The following OR51B5 variants were observed in gnomAD, a reference collection of about 807,000 sequenced individuals.
The protein encoded by OR51B5 is olfactory receptor family 51 subfamily B member 5.
For missense variants in OR51B5, 456 were observed against 374.6 expected (o/e 1.22, Z -1.79); for synonymous variants, 186 against 144.8 (o/e 1.28, Z -2.04).
At chr11:5,451,740 G>A (rs1217646280) in intron 1 of OR51B5, among the ~76,000 whole-genome samples, 2 of 152,120 alleles carry the variant, frequency 1.3e-5, no homozygotes, top group Non-Finnish European at 2.9e-5. Flanking sequence ...TGAGAGCATG[G>A]TCCGGTCTTG....
In OR51B5 at chr11:5,503,515, A is replaced by C. The variant is rs867827347; in HGVS notation, n.84+2054T>G. Among the ~76,000 whole-genome samples the C allele has an allele frequency of 1.1e-4, 16 of 152,240 alleles. 1 individual carries two copies. Among genetic ancestry groups the C allele is most frequent in the South Asian group, 1.0e-3 (5 of 4,832 alleles). ...TCCTCAACATGTTCCAATTTATAAT[A>C]AAAAGCCAATCAAAATCTCATTTGG... On this transcript the variant is annotated intron_variant and non_coding_transcript_variant, in intron 1 of 4. Transcript: ENST00000415970.
intron 1 of OR51B5, chr11:5,422,938 CAT>C (rs1175313852): frequency 1.9e-6 from 3 of 1,614,108 alleles, no homozygotes; most frequent in Non-Finnish European, 2.5e-6. Context: ...GCCTGTCCCA[CAT>C]TCTAGCTGTC....
intron 1 of OR51B5, among the ~76,000 whole-genome samples, chr11:5,478,971 G>A (rs1851365578): frequency 6.6e-6 from 1 of 151,940 alleles, no homozygotes; most frequent in African/African-American, 2.4e-5. Flanking sequence ...CCCCAATCTA[G>A]CAAGGCAGGT....
chr11:5,373,773 G>C (rs1255368431), intron 1 of OR51B5, among the ~76,000 whole-genome samples: 2 of 152,194 alleles, frequency 1.3e-5, no homozygotes, highest in African/African-American at 4.8e-5. Context: ...AGCGAGGCTG[G>C]GGGAGGGGCA....
intron 1 of OR51B5, among the ~76,000 whole-genome samples, chr11:5,462,638 A>C (rs1851075049): frequency 6.6e-6 from 1 of 152,226 alleles, no homozygotes; most frequent in African/African-American, 2.4e-5. Flanking sequence ...GAGTTGAGTA[A>C]TGTGCAGCAA....
chr11:5,496,483 G>A (rs1851651721), intron 1 of OR51B5, among the ~76,000 whole-genome samples: 1 of 152,118 alleles, frequency 6.6e-6, no homozygotes, highest in Admixed American at 6.5e-5. Context: ...CTACTCCGAT[G>A]ACATTCTTGT....
intron 1 of OR51B5, chr11:5,352,404 T>G: frequency 6.2e-7 from 1 of 1,611,528 alleles, no homozygotes; most frequent in Non-Finnish European, 8.5e-7. Context: ...AGATTCAGAG[T>G]GGCATACTTC....
intron 1 of OR51B5, chr11:5,505,477 A>G (rs1846358910): frequency 2.3e-6 from 3 of 1,296,650 alleles, no homozygotes; most frequent in Middle Eastern, 4.3e-4. Flanking sequence ...AGTGAGGGGA[A>G]ACTGAAGCTG....
chr11:5,379,469 TAAATA>T (rs1186718114), intron 1 of OR51B5, among the ~76,000 whole-genome samples: 1 of 127,866 alleles, frequency 7.8e-6, no homozygotes, highest in Non-Finnish European at 1.8e-5. Flanking sequence ...ATAATAATAA[TAAATA>T]AAATAAATAA....
chr11:5,417,144 C>A (rs1850256183), intron 1 of OR51B5, among the ~76,000 whole-genome samples: 1 of 152,092 alleles, frequency 6.6e-6, no homozygotes, highest in African/African-American at 2.4e-5. Flanking sequence ...ACTATCTGAT[C>A]TTTGACAAAC....
intron 1 of OR51B5, among the ~76,000 whole-genome samples, chr11:5,433,008 G>A (rs1309189946): frequency 6.6e-6 from 1 of 152,128 alleles, no homozygotes; most frequent in South Asian, 2.1e-4. Context: ...ATGAAAGTGA[G>A]ACTATGGTTT....
chr11:5,446,805 A>C (rs886945597), intron 1 of OR51B5, among the ~76,000 whole-genome samples: 1 of 152,184 alleles, frequency 6.6e-6, no homozygotes, highest in Non-Finnish European at 1.5e-5. Context: ...ACTATAATAG[A>C]GTGTGATCAC....
At chr11:5,424,948 C>A (rs564297295) in intron 1 of OR51B5, among the ~76,000 whole-genome samples, 1 of 102,908 alleles carries the variant, frequency 9.7e-6, no homozygotes, top group South Asian at 2.9e-4. Flanking sequence ...CGCCACTGCA[C>A]TCCAGCCTGG....
intron 1 of OR51B5, among the ~76,000 whole-genome samples, chr11:5,412,182 CT>C (rs1213246777): frequency 2.0e-5 from 3 of 152,130 alleles, no homozygotes; most frequent in African/African-American, 7.2e-5. Flanking sequence ...TATGGTAGTC[CT>C]TCTGATATGC....
chr11:5,396,301 G>A (rs1331995071), intron 1 of OR51B5, among the ~76,000 whole-genome samples: 1 of 152,204 alleles, frequency 6.6e-6, no homozygotes, highest in Non-Finnish European at 1.5e-5. Context: ...CAGATGACGT[G>A]ATTGCATATC....
Position 5,488,952 on chromosome 11 carries a change from C to G in OR51B5, n.84+16617G>C, listed in dbSNP as rs200743028. 10 of 1,614,084 alleles carry G rather than the reference C, an allele frequency of 6.2e-6. No homozygotes were observed. In the East Asian group the frequency reaches 1.8e-4, roughly 29 times the overall value. On this transcript the variant is annotated intron_variant and non_coding_transcript_variant, in intron 1 of 4. Transcript: ENST00000415970. ...TGGCTCTCAGTTCTACCACTGTGCC[C>G]AAGATGCTGGCCATTTTGTGGCTCC...
At chr11:5,413,826 C>G (rs1327471571) in intron 1 of OR51B5, among the ~76,000 whole-genome samples, 1 of 151,566 alleles carries the variant, frequency 6.6e-6, no homozygotes, top group Non-Finnish European at 1.5e-5. Context: ...CTGAAAGTGA[C>G]GGGGAGAATG....
intron 1 of OR51B5, chr11:5,352,043 A>G: frequency 6.2e-7 from 1 of 1,614,014 alleles, no homozygotes. Flanking sequence ...TTCTGTCTAC[A>G]CCAAGATGTC....
At chr11:5,500,847 T>G (rs1009334591) in intron 1 of OR51B5, among the ~76,000 whole-genome samples, 5 of 148,264 alleles carry the variant, frequency 3.4e-5, no homozygotes, top group Admixed American at 7.0e-5. Context: ...GCCTATGATC[T>G]GTCATAGCAT....
Sources: gnomAD v4.1 joint callset for allele counts (sites outside exome capture counted in the v4.1 genomes callset) on GRCh38, gnomAD v4.1.1 for gene constraint, MANE v1.5 for transcripts, NCBI Gene and HGNC (gene_info 2026-07-23, HGNC 2026-07-21) for gene names.